The following SGMS1 variants were observed in gnomAD, a reference collection of about 807,000 sequenced individuals.
SGMS1 encodes sphingomyelin synthase 1, also known as phosphatidylcholine:ceramide cholinephosphotransferase 1.
A neutral mutation model predicts 46.2 loss-of-function variants in SGMS1; 13 were observed. That is an observed-to-expected ratio of 0.28 (90% confidence interval 0.18 to 0.45). The LOEUF is 0.45. SGMS1 is among the 20% of genes least tolerant of loss of function. The pLI is 1.00. For missense variants in SGMS1, 324 were observed against 519.9 expected (o/e 0.62, Z 3.66); for synonymous variants, 203 against 187.8 (o/e 1.08, Z -0.66).
chr10:50,427,748 C>T (rs192390015), intron 6 of SGMS1, among the ~76,000 whole-genome samples: 25 of 152,274 alleles, frequency 1.6e-4, no homozygotes, highest in Admixed American at 9.1e-4. Context: ...CCATACTCTT[C>T]GATTCCTGAA....
In SGMS1 at chr10:50,307,125, C is replaced by G. The variant is rs769466108; in HGVS notation, c.*17G>C. 1 of 1,606,778 alleles carries G rather than the reference C, an allele frequency of 6.2e-7. No homozygotes were observed. The highest frequency in any genetic ancestry group is 1.1e-5 in the South Asian group (1 of 90,108). ...AGCACTTCGGACAATTTGTCTTTTC[C>G]CCACTTTGTACAGCTGTTATGTGTC... On this transcript the variant is annotated 3_prime_UTR_variant, in exon 11 of 11. Coordinates refer to ENST00000361781, the MANE Select transcript of SGMS1 (RefSeq NM_147156.4). This position sits in a 1 kb window ranked among gnomAD's most constrained non-coding sequence, Gnocchi z 4.2.
chr10:50,410,367 C>T (rs1448643981), intron 6 of SGMS1, among the ~76,000 whole-genome samples: 2 of 152,162 alleles, frequency 1.3e-5, no homozygotes, highest in African/African-American at 4.8e-5. Context: ...TAGTCCAAGG[C>T]TGTCCTTTAG....
At chr10:50,341,171 A>G (rs1847812655) in intron 7 of SGMS1, 1 of 344,112 alleles carries the variant, frequency 2.9e-6, no homozygotes, top group Admixed American at 3.7e-5. Context: ...CAATAACTAA[A>G]TAACTAGAAA....
At chr10:50,355,217 G>C (rs776278985) in intron 6 of SGMS1, among the ~76,000 whole-genome samples, 6 of 152,298 alleles carry the variant, frequency 3.9e-5, no homozygotes, top group Non-Finnish European at 7.4e-5. Flanking sequence ...TGACAGACTG[G>C]ATTAAGAAAA....
chr10:50,469,752 A>T (rs138238535), intron 3 of SGMS1, among the ~76,000 whole-genome samples: 103 of 152,222 alleles, frequency 6.8e-4, no homozygotes, highest in African/African-American at 2.3e-3. Context: ...TCGAACTCCT[A>T]TGTGTTTACT....
chr10:50,504,390 C>T (rs552086885), intron 3 of SGMS1, among the ~76,000 whole-genome samples: 1 of 152,196 alleles, frequency 6.6e-6, no homozygotes, highest in Non-Finnish European at 1.5e-5. Context: ...AAGATAGTTC[C>T]TACCTTTAAA....
At chr10:50,582,852 T>C (rs1564437408) in intron 2 of SGMS1, among the ~76,000 whole-genome samples, 1 of 152,184 alleles carries the variant, frequency 6.6e-6, no homozygotes, top group Non-Finnish European at 1.5e-5. Flanking sequence ...CCCACAATCA[T>C]AACACAGAGG....
chr10:50,427,466 G>C (rs747211441), intron 6 of SGMS1, among the ~76,000 whole-genome samples: 1 of 152,156 alleles, frequency 6.6e-6, no homozygotes, highest in Non-Finnish European at 1.5e-5. Flanking sequence ...TAGTGAATGA[G>C]TCAGTATAAA....
At chr10:50,550,219 CAA>C (rs770401492) in intron 2 of SGMS1, among the ~76,000 whole-genome samples, 1 of 152,166 alleles carries the variant, frequency 6.6e-6, no homozygotes, top group African/African-American at 2.4e-5. Flanking sequence ...TGCTTGTAAG[CAA>C]ACAGACTGCT....
At chr10:50,581,534 G>A (rs1262771068) in intron 2 of SGMS1, among the ~76,000 whole-genome samples, 3 of 152,160 alleles carry the variant, frequency 2.0e-5, no homozygotes, top group Admixed American at 6.5e-5. Flanking sequence ...GTAAAATGGG[G>A]TCAGGTTAAA....
At chr10:50,479,965 G>A (rs1837461440) in intron 3 of SGMS1, among the ~76,000 whole-genome samples, 2 of 151,994 alleles carry the variant, frequency 1.3e-5, no homozygotes, top group South Asian at 4.2e-4. Context: ...CATTTAAAGG[G>A]CTCTAATTAG....
intron 3 of SGMS1, among the ~76,000 whole-genome samples, chr10:50,475,093 T>C (rs1214291071): frequency 6.6e-6 from 1 of 152,146 alleles, no homozygotes; most frequent in Non-Finnish European, 1.5e-5. Context: ...AATATCCAAG[T>C]CAATAAGGCT....
intron 7 of SGMS1, among the ~76,000 whole-genome samples, chr10:50,330,589 T>C (rs1430066105): frequency 2.0e-5 from 3 of 152,252 alleles, no homozygotes; most frequent in African/African-American, 7.2e-5. Context: ...CTCTTTCAAC[T>C]AATCCACAGT....
intron 1 of SGMS1, among the ~76,000 whole-genome samples, chr10:50,602,818 T>C (rs1838660903): frequency 6.6e-6 from 1 of 152,166 alleles, no homozygotes; most frequent in Non-Finnish European, 1.5e-5. Context: ...AAAATAAACA[T>C]AAAGCCTCTA....
chr10:50,477,053 T>C (rs1044604015), intron 3 of SGMS1, among the ~76,000 whole-genome samples: 16 of 152,204 alleles, frequency 1.1e-4, no homozygotes, highest in African/African-American at 3.1e-4. Flanking sequence ...GCTGCCTTCC[T>C]CCAGACCCCA....
intron 1 of SGMS1, among the ~76,000 whole-genome samples, chr10:50,602,066 G>A (rs1838654441): frequency 6.6e-6 from 1 of 152,156 alleles, no homozygotes; most frequent in African/African-American, 2.4e-5. Flanking sequence ...TCAGATTTGG[G>A]ATGCTCAACC....
chr10:50,504,179 C>T (rs1169527288), intron 3 of SGMS1, among the ~76,000 whole-genome samples: 1 of 152,154 alleles, frequency 6.6e-6, no homozygotes, highest in Non-Finnish European at 1.5e-5. Context: ...CCAGGACAGG[C>T]TCAGAAAATG....
At chr10:50,503,494 C>T (rs1837679304) in intron 3 of SGMS1, among the ~76,000 whole-genome samples, 1 of 152,162 alleles carries the variant, frequency 6.6e-6, no homozygotes, top group African/African-American at 2.4e-5. Context: ...TACTGAGCAC[C>T]TTGTGACCCC....
chr10:50,307,246 T>C lies in SGMS1; in HGVS notation c.1138A>G (p.Asn380Asp). The C allele has an allele frequency of 1.2e-5, 20 of 1,614,076 alleles. No individual in the cohort carries two copies. The highest frequency in any genetic ancestry group is 1.7e-5 in the Non-Finnish European group (20 of 1,179,992). Residue 380 changes from asparagine to aspartate, a missense_variant, in exon 11 of 11, where the codon AAT (asparagine) becomes GAT (aspartate). By Grantham distance (23) the Asn-to-Asp change is conservative (BLOSUM62 1). This residue lies in a region of SGMS1 where 174 missense variants were observed against 350.1 expected (regional missense o/e 0.50). Coordinates refer to ENST00000361781, the MANE Select transcript of SGMS1 (RefSeq NM_147156.4). This position sits in a 1 kb window ranked among gnomAD's most constrained non-coding sequence, Gnocchi z 4.2. ...WYRPFQYFEK[N>D]VQGIVPRSYH... ...GATCGAGGTACAATTCCTTGGACATTCTTTTCAAAGTACTGAAATGGCCTG... is the reference window on the plus strand; with the variant it reads ...GATCGAGGTACAATTCCTTGGACATCCTTTTCAAAGTACTGAAATGGCCTG...
Sources: allele counts gnomAD v4.1 joint callset (sites outside exome capture counted in the v4.1 genomes callset), GRCh38; gene constraint gnomAD v4.1.1; regional missense constraint gnomAD v4.1.1; non-coding constraint Gnocchi (gnomAD v3.1); transcripts MANE v1.5; gene names NCBI Gene and HGNC (gene_info 2026-07-23, HGNC 2026-07-21).